Variants in RGL3 observed in about 807,000 individuals in gnomAD.
The protein encoded by RGL3 is ral guanine nucleotide dissociation stimulator-like 3.
A neutral mutation model predicts 90.6 loss-of-function variants in RGL3; 85 were observed. The observed-to-expected ratio is 0.94, with a 90% CI of 0.79 to 1.12. The LOEUF (loss-of-function observed/expected upper bound fraction) is 1.12, where lower values mean the gene tolerates loss of function less well. RGL3 is among the 50% of genes most tolerant of loss of function. The probability of loss-of-function intolerance (pLI) is 0.00; values close to 1 mark genes in which losing one functional copy is unlikely to be tolerated. For synonymous variants in RGL3, 408 were observed against 385.5 expected (o/e 1.06, Z -0.68); for missense variants, 1,034 against 939.2 (o/e 1.10, Z -1.32).
At chr19:11,411,035 C>G (rs1968865305) in intron 5 of RGL3, among the ~76,000 whole-genome samples, 2 of 151,656 alleles carry the variant, frequency 1.3e-5, no homozygotes, top group Admixed American at 6.6e-5. Context: ...ATGGTGAAAC[C>G]CCCTCACTAC....
At chr19:11,410,942 C>T (rs991580964) in intron 5 of RGL3, among the ~76,000 whole-genome samples, 1 of 152,066 alleles carries the variant, frequency 6.6e-6, no homozygotes, top group Admixed American at 6.6e-5. Flanking sequence ...GGCGTGGTGA[C>T]TCATGTCTGT....
chr19:11,415,168 T>G (rs1968971663), intron 5 of RGL3, among the ~76,000 whole-genome samples: 1 of 151,464 alleles, frequency 6.6e-6, no homozygotes, highest in African/African-American at 2.4e-5. Flanking sequence ...TAAATTAAAT[T>G]AAATTTAAAA....
At chr19:11,408,775 T>C (rs144497776) in intron 5 of RGL3, 34 of 152,330 alleles carry the variant, frequency 2.2e-4, no homozygotes, top group African/African-American at 7.7e-4. Flanking sequence ...TGTTTGTGGC[T>C]GGTCCCAAGG....
rs575260383 is a variant in RGL3, at chr19:11,397,589, C to G, written c.1755G>C (p.Leu585=). 3 of 1,560,946 alleles carry G rather than the reference C, an allele frequency of 1.9e-6. No individual in the cohort carries two copies. In the South Asian group the frequency reaches 3.5e-5, roughly 18 times the overall value. Residue 585 remains leucine, a synonymous_variant, in exon 17 of 19, where the codon CTG becomes CTC. Coordinates refer to ENST00000380456, the MANE Select transcript of RGL3 (RefSeq NM_001035223.4). ...GPQGPSTKLP[L]SLDLPSPRPF... ...GCCGGGGGCTGGGCAGGTCCAGGCT[C>G]AGGGGCAGCTGCAGGCAGTAAGGGG... is the stretch of plus-strand genomic sequence containing the variant.
rs1968792747 is a variant in RGL3 at position 11,406,821 on chromosome 19, C to G, written c.681G>C (p.Glu227Asp). 6.3e-7 allele frequency: 1 copy of G among 1,591,060 alleles called. No individual in the cohort carries two copies. Among genetic ancestry groups the G allele is most frequent in the Non-Finnish European group, 8.6e-7 (1 of 1,159,810 alleles). The change falls in exon 6 of 19, where the codon GAG (glutamate) becomes GAC (aspartate). Residue 227 changes from glutamate (E) to aspartate (D), a missense_variant. Physicochemically the swap from Glu to Asp is conservative, Grantham distance 45 (BLOSUM62 2). Transcript: ENST00000380456. ...VAQTSDPDSS[E>D]ACAEEEEGLM... is the part of the protein sequence containing the mutation. The stretch of plus-strand genomic sequence containing the variant: ...GCCCTTCCTCTTCCTCCGCGCAGGC[C>G]TCTGAAGAGTCTGGGTCAGAAGTTT...
chr19:11,411,894 C>CAGG (rs1014796682), intron 5 of RGL3, among the ~76,000 whole-genome samples: 73 of 152,302 alleles, frequency 4.8e-4, no homozygotes, highest in African/African-American at 1.7e-3. Flanking sequence ...GGATCGCCAG[C>CAGG]AGGAGCCTCT....
chr19:11,409,256 A>G (rs541867876), intron 5 of RGL3, among the ~76,000 whole-genome samples: 3 of 152,210 alleles, frequency 2.0e-5, no homozygotes, highest in African/African-American at 7.2e-5. Flanking sequence ...CAAGGCGGGT[A>G]GATCACGAGG....
intron 13 of RGL3, 127 bp downstream of exon 13, chr19:11,401,884 G>A: frequency 8.1e-7 from 1 of 1,227,728 alleles, no homozygotes; most frequent in Non-Finnish European, 1.1e-6. Flanking sequence ...GTCACAGGTT[G>A]TAGTGGGGGA....
chr19:11,409,191 G>T (rs1219425628), intron 5 of RGL3, among the ~76,000 whole-genome samples: 1 of 145,256 alleles, frequency 6.9e-6, no homozygotes, highest in South Asian at 2.2e-4. Flanking sequence ...AAAAAGAAAA[G>T]AAAAGAAGGC....
intron 18 of RGL3, among the ~76,000 whole-genome samples, chr19:11,396,968 G>C (rs150358507): frequency 2.0e-4 from 30 of 152,122 alleles, no homozygotes; most frequent in Admixed American, 4.6e-4. Flanking sequence ...GCGCCTGGCC[G>C]GACCCTGGAC....
chr19:11,410,621 G>T (rs1422967096), intron 5 of RGL3, among the ~76,000 whole-genome samples: 1 of 151,984 alleles, frequency 6.6e-6, no homozygotes, highest in Non-Finnish European at 1.5e-5. Flanking sequence ...GGTCAAGGCT[G>T]CAGTGAGCTG....
At chr19:11,404,178 C>T (rs2144724915) in intron 9 of RGL3, among the ~76,000 whole-genome samples, 1 of 152,300 alleles carries the variant, frequency 6.6e-6, no homozygotes, top group East Asian at 1.9e-4. Context: ...TCACTGAGCC[C>T]AGCTCACGTG....
chr19:11,402,678 T>G lies in RGL3; in HGVS notation c.1214A>C (p.Glu405Ala). ...QEEATEGSQE[E>A]DNTPGSLPSK... ...GGGCAGGCTGCCTGGGGTGTTGTCC[T>G]CTTCTTGGGATCCCTCAGTGGCCTC... Residue 405 changes from glutamate (E) to alanine (A), a missense_variant, in exon 10 of 19, where the codon GAG (glutamate) becomes GCG (alanine). Physicochemically the swap from Glu to Ala is moderately radical, Grantham distance 107 (BLOSUM62 -1). Coordinates refer to ENST00000380456, the MANE Select transcript of RGL3 (RefSeq NM_001035223.4). 11 of 1,613,866 alleles carry G rather than the reference T, an allele frequency of 6.8e-6. No homozygotes were observed. Among genetic ancestry groups the G allele is most frequent in the Non-Finnish European group, 8.5e-6 (10 of 1,179,922 alleles).
intron 3 of RGL3, 78 bp downstream of exon 3, chr19:11,416,758 C>G: frequency 6.3e-7 from 1 of 1,593,032 alleles, no homozygotes. Context: ...TTCCAGGTTC[C>G]ACACCTGAGG....
At chr19:11,399,975 G>A (rs1204147597) in intron 15 of RGL3, 24 bp from the exon 16 acceptor site, 4 of 1,574,294 alleles carry the variant, frequency 2.5e-6, no homozygotes, top group South Asian at 1.2e-5. Flanking sequence ...AGAGGCTGAG[G>A]TGGGGTGGCT....
chr19:11,402,177 C>T, intron 12 of RGL3, 38 bp downstream of exon 12: 2 of 1,610,962 alleles, frequency 1.2e-6, no homozygotes, highest in Non-Finnish European at 1.7e-6. Context: ...CCACCCCCAC[C>T]CTCAGGCACC....
intron 5 of RGL3, among the ~76,000 whole-genome samples, chr19:11,414,066 G>T (rs111850362): frequency 0.047 from 6,655 of 141,566 alleles, 165 homozygotes; most frequent in Admixed American, 0.065. Flanking sequence ...AATTTAAATA[G>T]CGACAGGGGC....
chr19:11,405,068 G>C (rs1047855902), intron 9 of RGL3, 79 bp downstream of exon 9: 146 of 1,116,346 alleles, frequency 1.3e-4, no homozygotes, highest in Non-Finnish European at 1.9e-4. Flanking sequence ...CTATAGCAGG[G>C]AGATTACCCC....
intron 12 of RGL3, 22 bp from the exon 13 acceptor site, chr19:11,402,154 C>T (rs3745688): frequency 0.079 from 126,666 of 1,610,812 alleles, 5,635 homozygotes; most frequent in East Asian, 0.19. Context: ...GCCTCTAAGA[C>T]CCTACCCCTG....
Sources: gnomAD v4.1 joint callset for allele counts (sites outside exome capture counted in the v4.1 genomes callset) on GRCh38, gnomAD v4.1.1 for gene constraint, MANE v1.5 for transcripts, NCBI Gene and HGNC (gene_info 2026-07-23, HGNC 2026-07-21) for gene names.